Variants in TLL2 observed in about 807,000 individuals in gnomAD.
The protein encoded by TLL2 is tolloid-like protein 2.
A neutral mutation model predicts 123.0 loss-of-function variants in TLL2; 106 were observed. That is an observed-to-expected ratio of 0.86 (90% CI 0.74 to 1.01). The LOEUF (loss-of-function observed/expected upper bound fraction) is 1.01, where lower values mean the gene tolerates loss of function less well. TLL2 is among the 50% of genes least tolerant of loss of function. TLL2 has a pLI of 0.00. For synonymous variants in TLL2, 494 were observed against 516.8 expected (o/e 0.96, Z 0.60); for missense variants, 1,332 against 1,336.7 (o/e 1.00, Z 0.06).
chr10:96,397,185 CCTT>C lies in TLL2; in HGVS notation c.1382_1384del (p.Glu461del). Reference sequence around the variant, plus strand: ...AGCAGCTGCTTTCACCTCGCACAAACCTTCGTACGCTGCAAAGAAGCCCTTGCC... The same window carrying C: ...AGCAGCTGCTTTCACCTCGCACAAACCGTACGCTGCAAAGAAGCCCTTGCC... On this transcript the variant is annotated inframe_deletion and splice_region_variant, in exon 11 of 21. Coordinates refer to ENST00000357947, the MANE Select transcript of TLL2 (RefSeq NM_012465.4). 6.2e-7 allele frequency: 1 copy of C among 1,612,552 alleles called. No homozygotes were observed. Among genetic ancestry groups the C allele is most frequent in the South Asian group, 1.1e-5 (1 of 90,906 alleles).
At chr10:96,433,023 G>A (rs1360366835) in intron 3 of TLL2, 61 bp from the exon 4 acceptor site, 2 of 1,574,926 alleles carry the variant, frequency 1.3e-6, no homozygotes, top group Admixed American at 1.7e-5. Flanking sequence ...AATTATGGCT[G>A]AGGTTGTATT....
At chr10:96,430,651 G>A (rs1309432948) in intron 4 of TLL2, among the ~76,000 whole-genome samples, 1 of 152,228 alleles carries the variant, frequency 6.6e-6, no homozygotes, top group Non-Finnish European at 1.5e-5. Flanking sequence ...CAAGGCAGGT[G>A]GATCCCTTAA....
At chr10:96,477,352 ATT>A (rs33983869) in intron 2 of TLL2, among the ~76,000 whole-genome samples, 69,220 of 139,930 alleles carry the variant, frequency 0.49, 16,399 homozygotes, top group East Asian at 0.71. Flanking sequence ...TTTAATTTTA[ATT>A]TTTTTTTTTT....
intron 13 of TLL2, among the ~76,000 whole-genome samples, chr10:96,388,974 C>T (rs1171725982): frequency 6.6e-6 from 1 of 152,152 alleles, no homozygotes; most frequent in Non-Finnish European, 1.5e-5. Flanking sequence ...TTGCCCATCG[C>T]CTCAAATAAA....
chr10:96,509,625 T>A, intron 1 of TLL2, among the ~76,000 whole-genome samples: 1 of 152,250 alleles, frequency 6.6e-6, no homozygotes, highest in Non-Finnish European at 1.5e-5. Context: ...AGTCCTTGTG[T>A]AAGGCTCTTC....
chr10:96,432,144 T>C (rs900662671), intron 4 of TLL2, among the ~76,000 whole-genome samples: 1 of 152,156 alleles, frequency 6.6e-6, no homozygotes, highest in Non-Finnish European at 1.5e-5. Context: ...TTAAAGATAA[T>C]ATTAATATCA....
chr10:96,395,320 C>G lies in TLL2; in HGVS notation c.1593G>C (p.Glu531Asp), dbSNP rs1846329642. 1 of 1,613,838 alleles carries G rather than the reference C, an allele frequency of 6.2e-7. No individual in the cohort carries two copies. ...YLEVRDGPTE[E>D]SALIGHFCGY... ...CACAAAAGTGGCCGATCAGGGCACTCTCTTCCGTGGGGCCATCCCGGACTT... is the reference window on the plus strand; with the variant it reads ...CACAAAAGTGGCCGATCAGGGCACTGTCTTCCGTGGGGCCATCCCGGACTT... The change falls in exon 13 of 21, where the codon GAG becomes GAC. Residue 531 changes from glutamate (E) to aspartate (D), a missense_variant. By Grantham distance (45) the Glu-to-Asp change is conservative. Coordinates refer to ENST00000357947, the MANE Select transcript of TLL2 (RefSeq NM_012465.4).
chr10:96,409,491 T>C (rs1437301016), intron 9 of TLL2, among the ~76,000 whole-genome samples: 3 of 152,236 alleles, frequency 2.0e-5, no homozygotes, highest in African/African-American at 4.8e-5. Context: ...AGCAAAAAGA[T>C]AAGCTTTGGA....
At chr10:96,449,104 T>C (rs12413925) in intron 2 of TLL2, among the ~76,000 whole-genome samples, 19,875 of 152,288 alleles carry the variant, frequency 0.13, 1,443 homozygotes, top group South Asian at 0.17. Flanking sequence ...CAAGTGCTTT[T>C]CCTCACCTTC....
chr10:96,445,993 A>G lies in TLL2; in HGVS notation c.364+98T>C. On this transcript the variant is annotated intron_variant, in intron 3 of 20. Transcript: ENST00000357947. ...ATTGTGAATGTACTTAATGCCACTAAAGGGTATGCTTTAAAATGGTAAGTC... is the reference window on the plus strand; with the variant it reads ...ATTGTGAATGTACTTAATGCCACTAGAGGGTATGCTTTAAAATGGTAAGTC... The G allele has an allele frequency of 2.4e-6, 3 of 1,243,096 alleles. No individual in the cohort carries two copies. In the South Asian group the frequency reaches 3.8e-5, roughly 16 times the overall value. The allele number at this position is 1,243,096 out of a possible 1,614,324, so 77.0% of individuals were successfully genotyped here.
At chr10:96,422,077 T>C (rs1422213610) in intron 6 of TLL2, among the ~76,000 whole-genome samples, 1 of 152,234 alleles carries the variant, frequency 6.6e-6, no homozygotes, top group Non-Finnish European at 1.5e-5. Flanking sequence ...ACACTTTATC[T>C]GCCTTGGGGC....
chr10:96,508,799 A>C (rs1397487780), intron 1 of TLL2, among the ~76,000 whole-genome samples: 2 of 151,982 alleles, frequency 1.3e-5, no homozygotes, highest in Non-Finnish European at 1.5e-5. Flanking sequence ...GCCTCGGGGA[A>C]TGTGGCAAGT....
intron 2 of TLL2, among the ~76,000 whole-genome samples, chr10:96,455,533 G>A (rs565360694): frequency 6.6e-6 from 1 of 152,062 alleles, no homozygotes; most frequent in Non-Finnish European, 1.5e-5. Context: ...GATAAAACAG[G>A]TTGTGGGAAA....
intron 2 of TLL2, among the ~76,000 whole-genome samples, chr10:96,476,427 A>G (rs550848057): frequency 1.3e-5 from 2 of 150,800 alleles, no homozygotes; most frequent in South Asian, 2.1e-4. Context: ...TGCCCGGCTA[A>G]TTTTTGTATT....
At position 96,499,839 on chromosome 10, in the gene TLL2, G is replaced by A. The variant is rs371908853; in HGVS notation, c.175+13672C>T. On this transcript the variant is annotated intron_variant, in intron 1 of 20. Coordinates refer to ENST00000357947, the MANE Select transcript of TLL2 (RefSeq NM_012465.4). ...AGAAGAAATACAAACAATCAAAAAC[G>A]TATTTTAAAAGGGTCAAAATTACTG... Among the ~76,000 whole-genome samples the A allele has an allele frequency of 1.7e-3, 254 of 152,064 alleles. 1 individual carries two copies. The highest frequency in any genetic ancestry group is 5.7e-3 in the African/African-American group (238 of 41,478).
chr10:96,383,408 T>G (rs1846202921), intron 16 of TLL2, among the ~76,000 whole-genome samples: 1 of 152,126 alleles, frequency 6.6e-6, no homozygotes, highest in Non-Finnish European at 1.5e-5. Context: ...GAGAATTGAA[T>G]CATGGAGGCG....
intron 10 of TLL2, among the ~76,000 whole-genome samples, chr10:96,399,957 T>G (rs947966539): frequency 6.6e-6 from 1 of 152,178 alleles, no homozygotes; most frequent in African/African-American, 2.4e-5. Flanking sequence ...CTGAGGTATA[T>G]TTTACTGCCT....
chr10:96,408,175 C>T (rs1351534880), intron 9 of TLL2, among the ~76,000 whole-genome samples: 1 of 152,164 alleles, frequency 6.6e-6, no homozygotes, highest in East Asian at 1.9e-4. Flanking sequence ...ATTCTTTAGC[C>T]TTTGCTTTTT....
rs928893938 is a variant in TLL2 at position 96,422,625 on chromosome 10, C to T, written c.741G>A (p.Val247=). Residue 247 remains valine (V), a synonymous_variant, in exon 6 of 21, where the codon GTG becomes GTA. Transcript: ENST00000357947. ...GGGTGTGTTCATGCCAAAACCCAACCACATGGCCCAGCTCGTGAGCCACAA... is the reference window on the plus strand; with the variant it reads ...GGGTGTGTTCATGCCAAAACCCAACTACATGGCCCAGCTCGTGAGCCACAA... The part of the protein sequence containing the change: ...FGIVAHELGH[V]VGFWHEHTRP... 1 of 1,614,068 alleles carries T rather than the reference C, an allele frequency of 6.2e-7. No individual in the cohort carries two copies. The highest frequency in any genetic ancestry group is 1.7e-5 in the Admixed American group (1 of 59,998).
Sources: allele counts gnomAD v4.1 joint callset (sites outside exome capture counted in the v4.1 genomes callset), GRCh38; gene constraint gnomAD v4.1.1; transcripts MANE v1.5; gene names NCBI Gene and HGNC (gene_info 2026-07-23, HGNC 2026-07-21).